Variants in CSMD3 observed in about 807,000 individuals in gnomAD.
CSMD3 encodes the protein CUB and sushi domain-containing protein 3.
In CSMD3, 177 loss-of-function variants were observed where a neutral mutation model predicts 435.2. The observed-to-expected ratio is 0.41, with a 90% CI of 0.36 to 0.46. The LOEUF is 0.46. CSMD3 is among the 20% of genes least tolerant of loss of function. The probability of loss-of-function intolerance (pLI) is 0.34; values close to 1 mark genes in which losing one functional copy is unlikely to be tolerated. For synonymous variants in CSMD3, 1,656 were observed against 1,520.5 expected, an observed-to-expected ratio of 1.09 and a Z score of -2.07; for missense variants, 4,265 against 4,504.6, an observed-to-expected ratio of 0.95 and a Z score of 1.52.
chr8:112,718,697 G>T (rs1332346561), intron 13 of CSMD3, among the ~76,000 whole-genome samples: 2 of 151,872 alleles, frequency 1.3e-5, no homozygotes, highest in African/African-American at 4.8e-5. Context: ...TCCTTGGACT[G>T]CTTTTACAGT....
At chr8:112,307,345 A>T (rs920412689) in intron 50 of CSMD3, among the ~76,000 whole-genome samples, 1 of 152,050 alleles carries the variant, frequency 6.6e-6, no homozygotes, top group Non-Finnish European at 1.5e-5. Context: ...CAGTGGCAGG[A>T]TCTTGGCTCA....
rs1032629596 is a variant in CSMD3, at chr8:112,657,049, T to C, written c.2817-708A>G. ...AGAAAACCACAGCCTTAAAAACTTTTTTTTCTTTTTACTTTTTTTTTTTTT... is the reference window on the plus strand; with the variant it reads ...AGAAAACCACAGCCTTAAAAACTTTCTTTTCTTTTTACTTTTTTTTTTTTT... On this transcript the variant is annotated intron_variant, in intron 17 of 70. Transcript: ENST00000297405. 3.3e-5 allele frequency among the ~76,000 whole-genome samples: 5 copies of C among 150,334 alleles called. No homozygotes were observed. The South Asian group carries it at 8.3e-4, about 25-fold the overall frequency.
intron 3 of CSMD3, 127 bp downstream of exon 3, chr8:113,278,462 CAAG>C (rs2093588518): frequency 1.5e-6 from 1 of 670,586 alleles, no homozygotes. Context: ...TGATTAATAA[CAAG>C]ATAAATTTCA....
At chr8:112,609,200 TCAAAAAAAAAAAAAAAAA>T (rs1833045037) in intron 22 of CSMD3, among the ~76,000 whole-genome samples, 1 of 5,446 alleles carries the variant, frequency 1.8e-4, no homozygotes, top group African/African-American at 7.9e-4. Flanking sequence ...AGATACTGCC[TCAAAAAAAAAAAAAAAAA>T]AAAAAAAAAA....
intron 68 of CSMD3, among the ~76,000 whole-genome samples, chr8:112,232,083 A>T (rs1295456158): frequency 6.6e-6 from 1 of 152,036 alleles, no homozygotes; most frequent in Non-Finnish European, 1.5e-5. Context: ...GGGGATTGGG[A>T]TTGACAATAG....
At chr8:112,319,630 T>G (rs74660798) in intron 46 of CSMD3, among the ~76,000 whole-genome samples, 1 of 152,174 alleles carries the variant, frequency 6.6e-6, no homozygotes, top group Non-Finnish European at 1.5e-5. Context: ...AATAATAGTT[T>G]GGAAAGAACC....
chr8:112,742,225 T>G (rs1991134), intron 13 of CSMD3, among the ~76,000 whole-genome samples: 50,483 of 151,784 alleles, frequency 0.33, 9,256 homozygotes, highest in African/African-American at 0.5. Context: ...AACACCATGT[T>G]AGTAATTTCT....
chr8:113,149,701 T>A lies in CSMD3; in HGVS notation c.709+24021A>T, dbSNP rs1461190437. Among the ~76,000 whole-genome samples, 2 of 151,962 alleles carry A rather than the reference T, an allele frequency of 1.3e-5. 1 individual carries two copies. The highest frequency in any genetic ancestry group is 2.9e-5 in the Non-Finnish European group (2 of 67,934). ...AAAAATGGTATATTTCTCTAAAATATAATTTAACTATTTATAAGGGAGGAA... is the reference window on the plus strand; with the variant it reads ...AAAAATGGTATATTTCTCTAAAATAAAATTTAACTATTTATAAGGGAGGAA... On this transcript the variant is annotated intron_variant, in intron 4 of 70. Coordinates refer to ENST00000297405, the MANE Select transcript of CSMD3 (RefSeq NM_198123.2).
At chr8:112,641,467 C>A (rs1204461360) in intron 20 of CSMD3, among the ~76,000 whole-genome samples, 1 of 152,070 alleles carries the variant, frequency 6.6e-6, no homozygotes, top group Non-Finnish European at 1.5e-5. Context: ...GTTAATACAA[C>A]TCAATATAGG....
intron 45 of CSMD3, among the ~76,000 whole-genome samples, chr8:112,324,807 T>C (rs139955820): frequency 1.7e-3 from 265 of 152,132 alleles, no homozygotes; most frequent in African/African-American, 6.0e-3. Flanking sequence ...CTGGCTGTAG[T>C]CAGAAATTTT....
chr8:112,482,459 C>A (rs981063907), intron 31 of CSMD3, among the ~76,000 whole-genome samples: 2 of 152,130 alleles, frequency 1.3e-5, no homozygotes, highest in Admixed American at 6.5e-5. Context: ...AGTTTTAAAA[C>A]TAACACCATT....
chr8:113,224,472 A>G (rs2093003980), intron 3 of CSMD3, among the ~76,000 whole-genome samples: 1 of 151,298 alleles, frequency 6.6e-6, no homozygotes, highest in South Asian at 2.1e-4. Flanking sequence ...AAACTGTGTC[A>G]CCTATATAAA....
At chr8:113,157,273 CAAG>C (rs1200881639) in intron 4 of CSMD3, among the ~76,000 whole-genome samples, 1 of 152,062 alleles carries the variant, frequency 6.6e-6, no homozygotes, top group Non-Finnish European at 1.5e-5. Flanking sequence ...GCAACTTGAG[CAAG>C]AAGAACTGCT....
chr8:112,381,520 G>A (rs901323584), intron 37 of CSMD3, among the ~76,000 whole-genome samples: 1 of 152,156 alleles, frequency 6.6e-6, no homozygotes, highest in African/African-American at 2.4e-5. Context: ...ATGAGTTGAG[G>A]TCATTACAAA....
chr8:113,213,928 A>C (rs2092869977), intron 3 of CSMD3, among the ~76,000 whole-genome samples: 1 of 152,108 alleles, frequency 6.6e-6, no homozygotes, highest in Non-Finnish European at 1.5e-5. Flanking sequence ...ATCTTTATTC[A>C]GCATGCACTG....
rs1372729391 is a variant in CSMD3 at position 112,517,152 on chromosome 8, A to C, written c.4638T>G (p.Pro1546=). Residue 1546 remains proline, a synonymous_variant, in exon 28 of 71, where the codon CCT becomes CCG. Transcript: ENST00000297405. ...NGTRNGDGRE[P]GDTVVFQCDP... ...CACATTGAAAAACAACAGTGTCCCC[A>C]GGTTCTCTTCCATCCCCATTTCGAG... is the stretch of plus-strand genomic sequence containing the variant. 6.2e-7 allele frequency: 1 copy of C among 1,613,664 alleles called. No homozygotes were observed. The highest frequency in any genetic ancestry group is 2.2e-5 in the East Asian group (1 of 44,866).
chr8:112,903,163 A>G (rs1316066686), intron 10 of CSMD3, among the ~76,000 whole-genome samples: 9 of 140,390 alleles, frequency 6.4e-5, no homozygotes, highest in African/African-American at 2.2e-4. Flanking sequence ...AAAAAAAAAA[A>G]AAAAAAAAAA....
Position 112,636,958 on chromosome 8 carries a change from T to C in CSMD3, c.3574A>G (p.Ser1192Gly), listed in dbSNP as rs1393581240. 1.2e-6 allele frequency: 2 copies of C among 1,613,598 alleles called. No individual in the cohort carries two copies. Residue 1192 changes from serine to glycine, a missense_variant, in exon 22 of 71, where the codon AGT becomes GGT. Around this residue, in one of 3 missense-constraint regions of CSMD3, gnomAD observed 3,255 missense variants for 3,380.2 expected, o/e 0.96. Coordinates refer to ENST00000297405, the MANE Select transcript of CSMD3 (RefSeq NM_198123.2). ...CEDPGIPQYG[S>G]RIGFNFGIGD... ...ATCCCAAAGTTGAACCCGATTCGAC[T>C]ACCATATTGAGGAATGCCAGGATCT...
rs1821070076 is a variant in CSMD3 at position 112,494,496 on chromosome 8, TTTCTTTCTTTCTTTCTTTCTTTCTTTC to T, written c.5084-1840_5084-1814del. Among the ~76,000 whole-genome samples, 466 of 92,016 alleles carry T rather than the reference TTTCTTTCTTTCTTTCTTTCTTTCTTTC, an allele frequency of 5.1e-3. 24 individuals carry two copies. The highest frequency in any genetic ancestry group is 5.8e-3 in the African/African-American group (153 of 26,400). 60.4% of individuals were successfully genotyped at this position (92,016 alleles called of 152,430 possible). ...TCTTTTCTTTTGTTTCTTTCTCTCC[TTTCTTTCTTTCTTTCTTTCTTTCTTTC>T]TTTCTTTCTTTCTTTCTTTCTTTCT... On this transcript the variant is annotated intron_variant, in intron 30 of 70. Coordinates refer to ENST00000297405, the MANE Select transcript of CSMD3 (RefSeq NM_198123.2).
Sources: gnomAD v4.1 joint callset for allele counts (sites outside exome capture counted in the v4.1 genomes callset) on GRCh38, gnomAD v4.1.1 for gene constraint, gnomAD v4.1.1 regional missense constraint, MANE v1.5 for transcripts, NCBI Gene and HGNC (gene_info 2026-07-23, HGNC 2026-07-21) for gene names.